Variants in NRDC observed in about 807,000 individuals in gnomAD.
The protein encoded by NRDC is nardilysin convertase, also known as nardilysin.
Under a neutral mutation model 147.1 loss-of-function variants are expected in NRDC, and 54 were observed. That is an observed-to-expected ratio of 0.37 (90% CI 0.29 to 0.46). The LOEUF (loss-of-function observed/expected upper bound fraction) is 0.46, where lower values mean the gene tolerates loss of function less well. Ranked by LOEUF, NRDC falls within the 20% of genes least tolerant of loss-of-function variation. The pLI, the probability that NRDC is intolerant of heterozygous loss-of-function variation, is 1.00. For missense variants in NRDC, 1,082 were observed against 1,370.6 expected (o/e 0.79, Z 3.33); for synonymous variants, 440 against 482.1 (o/e 0.91, Z 1.14).
intron 1 of NRDC, among the ~76,000 whole-genome samples, chr1:51,871,132 G>A (rs1052086076): frequency 6.6e-6 from 1 of 152,014 alleles, no homozygotes; most frequent in Non-Finnish European, 1.5e-5. Context: ...GCCTGGCCAA[G>A]ATGATGAAAT....
At chr1:51,814,275 A>G (rs1203137312) in intron 13 of NRDC, 186 bp from the exon 14 acceptor site, 5 of 590,576 alleles carry the variant, frequency 8.5e-6, no homozygotes, top group East Asian at 8.4e-5. Context: ...AAACCTGCAC[A>G]TATACCCCTG....
chr1:51,878,233 C>CTCT, intron 1 of NRDC, 42 bp downstream of exon 1: 2 of 1,564,708 alleles, frequency 1.3e-6, no homozygotes, highest in Non-Finnish European at 1.7e-6. Context: ...ACAGAGAAGC[C>CTCT]GGCACACTGT....
At position 51,800,642 on chromosome 1, in the gene NRDC, A is replaced by G. The variant is rs772242102; in HGVS notation, c.2355T>C (p.Asn785=). Residue 785 remains asparagine (N), a synonymous_variant, in exon 21 of 31, where the codon AAT becomes AAC. Transcript: ENST00000352171. ...QLIIDYLAEF[N]STPAVFTMIT... Reference sequence around the variant, plus strand: ...TCATTGTAAAGACAGCTGGTGTGGAATTGAACTCAGCTAAGTAGTCAATAA... The same window carrying G: ...TCATTGTAAAGACAGCTGGTGTGGAGTTGAACTCAGCTAAGTAGTCAATAA... 1 of 1,613,942 alleles carries G rather than the reference A, an allele frequency of 6.2e-7. No individual in the cohort carries two copies.
rs1316894404 is a variant in NRDC at position 51,789,681 on chromosome 1, AAAGAAATTCAAG to A, written c.3169-36_3169-25del. The A allele has an allele frequency of 4.6e-6, 7 of 1,522,572 alleles. No individual in the cohort carries two copies. The African/African-American group carries it at 9.6e-5, about 21-fold the overall frequency. The allele number at this position is 1,522,572 out of a possible 1,614,324, so 94.3% of individuals were successfully genotyped here. A position where few individuals can be genotyped will look rare whatever the true frequency, so the allele number is the denominator to read the frequency against. On this transcript the variant is annotated intron_variant, in intron 29 of 30. Coordinates refer to ENST00000352171, the MANE Select transcript of NRDC (RefSeq NM_001101662.2). ...ATCTTACAAGGGAAGGGAAGATAGGAAAGAAATTCAAGAAGAAAGATAGCTCTTAAACCTAAC... is the reference window on the plus strand; with the variant it reads ...ATCTTACAAGGGAAGGGAAGATAGGAAAGAAAGATAGCTCTTAAACCTAAC...
At chr1:51,850,957 G>T (rs1681917965) in intron 1 of NRDC, among the ~76,000 whole-genome samples, 1 of 152,140 alleles carries the variant, frequency 6.6e-6, no homozygotes, top group Non-Finnish European at 1.5e-5. Context: ...ACTCCGGTTT[G>T]GTTCTCTAAA....
At position 51,842,232 on chromosome 1, in the gene NRDC, T is replaced by TG. The variant is rs201170919; in HGVS notation, c.342-1719_342-1718insC. ...TTTAAGTGATAGAAAAAATGTTTGG[T>TG]TTTTTTTTTTTTGGTTTTTGAAAAT... On this transcript the variant is annotated intron_variant, in intron 1 of 30. Coordinates refer to ENST00000352171, the MANE Select transcript of NRDC (RefSeq NM_001101662.2). Among the ~76,000 whole-genome samples, 30 of 131,168 alleles carry TG rather than the reference T, an allele frequency of 2.3e-4. No homozygotes were observed. The East Asian group carries it at 3.3e-3, about 14-fold the overall frequency. 86.1% of individuals were successfully genotyped at this position (131,168 alleles called of 152,430 possible).
At chr1:51,837,210 T>G (rs557580892) in intron 2 of NRDC, among the ~76,000 whole-genome samples, 7 of 152,218 alleles carry the variant, frequency 4.6e-5, no homozygotes, top group South Asian at 4.1e-4. Context: ...TTTGTAAATG[T>G]CAATTTTACA....
At chr1:51,852,155 C>A (rs1354139313) in intron 1 of NRDC, among the ~76,000 whole-genome samples, 1 of 152,106 alleles carries the variant, frequency 6.6e-6, no homozygotes, top group Non-Finnish European at 1.5e-5. Context: ...ATTTTCCTCT[C>A]TTTAAGCTGT....
At chr1:51,826,629 A>C (rs856610) in intron 5 of NRDC, among the ~76,000 whole-genome samples, 121,730 of 152,094 alleles carry the variant, frequency 0.8, 49,672 homozygotes, top group East Asian at 0.98. Context: ...AAAATAATTT[A>C]TCAGCCGGGC....
At chr1:51,872,429 C>T (rs111905072) in intron 1 of NRDC, among the ~76,000 whole-genome samples, 68 of 151,932 alleles carry the variant, frequency 4.5e-4, no homozygotes, top group Non-Finnish European at 6.9e-4. Flanking sequence ...CAGTCAGGCC[C>T]GGTGCAGTGG....
At chr1:51,848,665 T>TTTTA (rs1406757919) in intron 1 of NRDC, among the ~76,000 whole-genome samples, 2 of 152,144 alleles carry the variant, frequency 1.3e-5, no homozygotes, top group Non-Finnish European at 2.9e-5. Context: ...AGCTTTCCTA[T>TTTTA]ACATCAAAGT....
rs1680132301 is a variant in NRDC, at chr1:51,819,803, T to C, written c.1288A>G (p.Arg430Gly). ...FDTPAFNKLYRVVPIRKIHAL... is the reference protein window; with the variant it reads ...FDTPAFNKLYGVVPIRKIHAL... ...TTTAAACTTTTGGTTCACAAACCTCTATAAAGTTTGTTAAATGCTGGTGTG... is the reference window on the plus strand; with the variant it reads ...TTTAAACTTTTGGTTCACAAACCTCCATAAAGTTTGTTAAATGCTGGTGTG... The change falls in exon 9 of 31, where the codon AGA becomes GGA. Residue 430 changes from arginine (R) to glycine (G), a missense_variant. Transcript: ENST00000352171. 1 of 1,602,670 alleles carries C rather than the reference T, an allele frequency of 6.2e-7. No homozygotes were observed. The highest frequency in any genetic ancestry group is 1.1e-5 in the South Asian group (1 of 89,780).
chr1:51,820,612 ATTACCT>A (rs1430531052), intron 8 of NRDC, among the ~76,000 whole-genome samples: 1 of 152,126 alleles, frequency 6.6e-6, no homozygotes, highest in Non-Finnish European at 1.5e-5. Flanking sequence ...CATGCTCTTG[ATTACCT>A]TTACATACCA....
chr1:51,804,349 G>A (rs1015850292), intron 19 of NRDC, among the ~76,000 whole-genome samples: 1 of 152,192 alleles, frequency 6.6e-6, no homozygotes, highest in Middle Eastern at 3.2e-3. Flanking sequence ...AAATTCTAGT[G>A]CTGCTTGTCA....
intron 1 of NRDC, among the ~76,000 whole-genome samples, chr1:51,859,232 A>G (rs1682409781): frequency 6.6e-6 from 1 of 152,212 alleles, no homozygotes; most frequent in African/African-American, 2.4e-5. Flanking sequence ...TATGTAAGCT[A>G]TAATATCTGC....
intron 11 of NRDC, among the ~76,000 whole-genome samples, chr1:51,815,429 G>T (rs1338111615): frequency 6.6e-6 from 1 of 151,970 alleles, no homozygotes; most frequent in Non-Finnish European, 1.5e-5. Context: ...ACCTACATAG[G>T]TTGTCTAAGA....
intron 16 of NRDC, among the ~76,000 whole-genome samples, chr1:51,810,057 T>C (rs1243689703): frequency 6.6e-6 from 1 of 152,194 alleles, no homozygotes; most frequent in African/African-American, 2.4e-5. Flanking sequence ...GTCAAAACTC[T>C]GCCCCCAAAA....
intron 1 of NRDC, among the ~76,000 whole-genome samples, chr1:51,848,132 T>C (rs1341441457): frequency 1.3e-5 from 2 of 152,172 alleles, no homozygotes; most frequent in African/African-American, 4.8e-5. Flanking sequence ...TATTCAATAT[T>C]ATATTGGAGG....
At chr1:51,859,238 T>C (rs1029395076) in intron 1 of NRDC, among the ~76,000 whole-genome samples, 2 of 152,234 alleles carry the variant, frequency 1.3e-5, no homozygotes, top group Non-Finnish European at 2.9e-5. Flanking sequence ...AGCTATAATA[T>C]CTGCTTCTGT....
Sources: gnomAD v4.1 joint callset for allele counts (sites outside exome capture counted in the v4.1 genomes callset) on GRCh38, gnomAD v4.1.1 for gene constraint, MANE v1.5 for transcripts, NCBI Gene and HGNC (gene_info 2026-07-23, HGNC 2026-07-21) for gene names.